FARS2: variants seen among roughly 807,000 people sequenced by gnomAD.
FARS2 encodes the protein phenylalanyl-tRNA synthetase 2, mitochondrial, also known as phenylalanine--tRNA ligase, mitochondrial.
Under a neutral mutation model 46.4 loss-of-function variants are expected in FARS2, and 40 were observed. The observed-to-expected ratio is 0.86, with a 90% confidence interval of 0.67 to 1.12. The LOEUF (loss-of-function observed/expected upper bound fraction) is 1.12, where lower values mean the gene tolerates loss of function less well. Among genes scored for constraint, FARS2 ranks in the 50% most tolerant of loss-of-function variants. FARS2 has a pLI of 0.00. For missense variants in FARS2, 513 were observed against 567.9 expected (o/e 0.90, Z 0.98); for synonymous variants, 234 against 214.9 (o/e 1.09, Z -0.78).
chr6:5,471,928 C>T lies in FARS2; in HGVS notation c.904+40756C>T, dbSNP rs934528437. Among the ~76,000 whole-genome samples, 2 of 152,196 alleles carry T rather than the reference C, an allele frequency of 1.3e-5. No homozygotes were observed. Among genetic ancestry groups the T allele is most frequent in the African/African-American group, 4.8e-5 (2 of 41,468 alleles). ...CCCAAAGAAAGGGCATTTGCCACAG[C>T]TCAGGAGCCTGCCTGAAAATGAATG... On this transcript the variant is annotated intron_variant, in intron 4 of 6. Coordinates refer to ENST00000274680, the MANE Select transcript of FARS2 (RefSeq NM_006567.5). The surrounding 1 kb of genome is among the most constrained non-coding windows in gnomAD (Gnocchi z 4.1).
In FARS2 at chr6:5,485,690, G is replaced by C. The variant is rs114496004; in HGVS notation, c.904+54518G>C. Among the ~76,000 whole-genome samples the C allele has an allele frequency of 2.1e-3, 325 of 151,756 alleles. 2 individuals are homozygous for C. The highest frequency in any genetic ancestry group is 7.5e-3 in the African/African-American group (310 of 41,426). ...TAACAAATGTAAAAAACATTTTTTT[G>C]CTCAAGACCATCCAAAACAAGCTAC... On this transcript the variant is annotated intron_variant, in intron 4 of 6. Transcript: ENST00000274680.
chr6:5,678,634 AG>A lies in FARS2; in HGVS notation c.1217+65317del, dbSNP rs570265453. ...ACACATAGCCATCCTTTGTAATACG[AG>A]GGCTGCTTGCACTCTTCTTGGCCTC... On this transcript the variant is annotated intron_variant, in intron 6 of 6. Coordinates refer to ENST00000274680, the MANE Select transcript of FARS2 (RefSeq NM_006567.5). Among the ~76,000 whole-genome samples the A allele has an allele frequency of 3.3e-5, 5 of 152,232 alleles. No homozygotes were observed. The South Asian group carries it at 8.3e-4, about 25-fold the overall frequency.
intron 6 of FARS2, among the ~76,000 whole-genome samples, chr6:5,633,757 G>C (rs960016771): frequency 8.5e-5 from 13 of 152,084 alleles, no homozygotes; most frequent in African/African-American, 3.1e-4. Flanking sequence ...GTTATGACTG[G>C]TGAAACAAAA....
At chr6:5,417,284 A>G (rs957026497) in intron 3 of FARS2, among the ~76,000 whole-genome samples, 2 of 152,076 alleles carry the variant, frequency 1.3e-5, no homozygotes, top group African/African-American at 4.8e-5. Flanking sequence ...TGGCGTGATC[A>G]TGGCCCACTG....
intron 4 of FARS2, among the ~76,000 whole-genome samples, chr6:5,485,525 G>T (rs1766723330): frequency 1.4e-5 from 2 of 140,152 alleles, no homozygotes; most frequent in Non-Finnish European, 1.5e-5. Flanking sequence ...TTTCCTGGGG[G>T]GCAGTGACTG....
intron 5 of FARS2, among the ~76,000 whole-genome samples, chr6:5,576,205 G>C (rs920752588): frequency 2.6e-5 from 4 of 152,142 alleles, no homozygotes; most frequent in African/African-American, 9.7e-5. Flanking sequence ...GCAAAGTATG[G>C]ATCCTGGGTG....
chr6:5,587,976 A>G (rs1773709377), intron 5 of FARS2, among the ~76,000 whole-genome samples: 1 of 152,140 alleles, frequency 6.6e-6, no homozygotes, highest in African/African-American at 2.4e-5. Flanking sequence ...AGATAGGTAA[A>G]ACCCTGACTG....
At chr6:5,298,862 CAAA>C (rs771852149) in intron 1 of FARS2, among the ~76,000 whole-genome samples, 2 of 74,738 alleles carry the variant, frequency 2.7e-5, no homozygotes, top group Non-Finnish European at 3.0e-5. Flanking sequence ...AACTCCATCT[CAAA>C]AAAAAAAAAA....
chr6:5,769,254 T>C (rs1398499757), intron 6 of FARS2, among the ~76,000 whole-genome samples: 2 of 152,246 alleles, frequency 1.3e-5, no homozygotes, highest in Non-Finnish European at 2.9e-5. Flanking sequence ...TGGATAGTCT[T>C]GGTGCTCTTG....
chr6:5,605,296 C>A (rs917513377), intron 5 of FARS2, among the ~76,000 whole-genome samples: 1 of 59,624 alleles, frequency 1.7e-5, no homozygotes, highest in Non-Finnish European at 4.2e-5. Context: ...CTAAATGTGC[C>A]AGGCCAGAGC....
the FARS2 span, among the ~76,000 whole-genome samples, chr6:5,251,737 T>C: frequency 6.6e-6 from 1 of 152,186 alleles, no homozygotes; most frequent in African/African-American, 2.4e-5. Flanking sequence ...ATCCAAACTG[T>C]ATCATTGCAT....
chr6:5,609,045 T>G (rs1472216962), intron 5 of FARS2, among the ~76,000 whole-genome samples: 1 of 152,158 alleles, frequency 6.6e-6, no homozygotes, highest in Non-Finnish European at 1.5e-5. Flanking sequence ...GTTGTACAGT[T>G]AGTCACAAAT....
intron 6 of FARS2, among the ~76,000 whole-genome samples, chr6:5,713,003 G>C (rs1364344729): frequency 6.6e-6 from 1 of 152,262 alleles, no homozygotes; most frequent in Non-Finnish European, 1.5e-5. Context: ...GGAAGTAAGA[G>C]AAAGAGCCAT....
intron 4 of FARS2, among the ~76,000 whole-genome samples, chr6:5,517,938 A>G (rs994428936): frequency 1.3e-5 from 2 of 152,214 alleles, no homozygotes; most frequent in African/African-American, 4.8e-5. Flanking sequence ...TAACTCATAC[A>G]GGAAGATGTG....
chr6:5,308,772 T>C (rs1239490445), intron 1 of FARS2, among the ~76,000 whole-genome samples: 1 of 152,224 alleles, frequency 6.6e-6, no homozygotes, highest in Non-Finnish European at 1.5e-5. Context: ...TCATTTGGGC[T>C]GCTCTAACAA....
chr6:5,559,620 A>C (rs1441360070), intron 5 of FARS2, among the ~76,000 whole-genome samples: 4 of 152,228 alleles, frequency 2.6e-5, no homozygotes, highest in Admixed American at 2.6e-4. Flanking sequence ...TCACTAAAAT[A>C]TAGAAATCCA....
intron 1 of FARS2, among the ~76,000 whole-genome samples, chr6:5,340,758 C>T (rs1347133967): frequency 6.6e-6 from 1 of 152,046 alleles, no homozygotes; most frequent in Non-Finnish European, 1.5e-5. Context: ...ATCTTCTGCC[C>T]TTCTGCCTGG....
At chr6:5,572,384 A>G (rs1772706766) in intron 5 of FARS2, among the ~76,000 whole-genome samples, 1 of 152,138 alleles carries the variant, frequency 6.6e-6, no homozygotes, top group African/African-American at 2.4e-5. Flanking sequence ...GACAGCACCA[A>G]GCCATGAAGG....
At chr6:5,449,628 A>G (rs1010863733) in intron 4 of FARS2, among the ~76,000 whole-genome samples, 1 of 152,178 alleles carries the variant, frequency 6.6e-6, no homozygotes, top group African/African-American at 2.4e-5. Context: ...AATACCTGGT[A>G]GTACAGATTG....
Sources: allele counts gnomAD v4.1 joint callset (sites outside exome capture counted in the v4.1 genomes callset), GRCh38; gene constraint gnomAD v4.1.1; non-coding constraint Gnocchi (gnomAD v3.1); transcripts MANE v1.5; gene names NCBI Gene and HGNC (gene_info 2026-07-23, HGNC 2026-07-21).